ARHGAP22: variants seen among roughly 807,000 people sequenced by gnomAD.
The protein encoded by ARHGAP22 is Rho GTPase activating protein 22.
A neutral mutation model predicts 59.1 loss-of-function variants in ARHGAP22; 48 were observed. The observed-to-expected ratio is 0.81, with a 90% confidence interval of 0.64 to 1.03. The LOEUF (loss-of-function observed/expected upper bound fraction) is 1.03, where lower values mean the gene tolerates loss of function less well. Ranked by LOEUF, ARHGAP22 falls within the 50% of genes least tolerant of loss-of-function variation. The probability of loss-of-function intolerance (pLI) is 0.00; values close to 1 mark genes in which losing one functional copy is unlikely to be tolerated. For synonymous variants in ARHGAP22, 445 were observed against 416.4 expected (o/e 1.07, Z -0.84); for missense variants, 1,015 against 958.7 (o/e 1.06, Z -0.78).
chr10:48,448,566 T>C (rs989027525), intron 9 of ARHGAP22, among the ~76,000 whole-genome samples: 2 of 151,320 alleles, frequency 1.3e-5, no homozygotes, highest in African/African-American at 4.9e-5. Context: ...CTGACCAGAG[T>C]CCTGGGAGCC....
At chr10:48,437,069 G>A in the ARHGAP22 span, 2 of 152,232 alleles carry the variant, frequency 1.3e-5, no homozygotes, top group East Asian at 3.9e-4. Flanking sequence ...TACAGATTTT[G>A]GTTAAGTAAG....
chr10:48,469,407 C>T (rs539162012), intron 4 of ARHGAP22, among the ~76,000 whole-genome samples: 1 of 152,342 alleles, frequency 6.6e-6, no homozygotes, highest in Admixed American at 6.5e-5. Context: ...TCTGTCCAAT[C>T]ACACAAGCAA....
At chr10:48,637,378 T>C (rs976656452) in intron 1 of ARHGAP22, among the ~76,000 whole-genome samples, 8 of 151,230 alleles carry the variant, frequency 5.3e-5, no homozygotes, top group African/African-American at 2.0e-4. Flanking sequence ...GAGTGGCAGA[T>C]GAGTAGCCAA....
At position 48,470,976 on chromosome 10, in the gene ARHGAP22, A is replaced by G. The variant is rs2048175802; in HGVS notation, c.451+8660T>C. Among the ~76,000 whole-genome samples, 6 of 152,104 alleles carry G rather than the reference A, an allele frequency of 3.9e-5. No homozygotes were observed. The South Asian group carries it at 1.2e-3, about 32-fold the overall frequency. On this transcript the variant is annotated intron_variant, in intron 4 of 9. Coordinates refer to ENST00000249601, the MANE Select transcript of ARHGAP22 (RefSeq NM_021226.4). ...ATGCCTCCAGGGCTTCCTTTTAGAG[A>G]TGTCATTCCATCAAATGATGACCAC... is the stretch of plus-strand genomic sequence containing the variant.
At chr10:48,574,724 T>C (rs1014737065) in intron 2 of ARHGAP22, 3 of 152,266 alleles carry the variant, frequency 2.0e-5, no homozygotes, top group African/African-American at 4.8e-5. Context: ...CAGACATTAA[T>C]GGCACGGCAG....
intron 3 of ARHGAP22, among the ~76,000 whole-genome samples, chr10:48,551,773 G>T (rs2056912271): frequency 6.6e-6 from 1 of 152,236 alleles, no homozygotes; most frequent in African/African-American, 2.4e-5. Flanking sequence ...GGATGTGCAG[G>T]TTCTCAGGTG....
chr10:48,531,473 G>C (rs908321085), intron 3 of ARHGAP22, among the ~76,000 whole-genome samples: 1 of 152,146 alleles, frequency 6.6e-6, no homozygotes, highest in African/African-American at 2.4e-5. Flanking sequence ...TTAAACTTTG[G>C]AGTAGTCTGT....
the ARHGAP22 span, among the ~76,000 whole-genome samples, chr10:48,440,464 T>C: frequency 6.6e-6 from 1 of 152,006 alleles, no homozygotes; most frequent in Non-Finnish European, 1.5e-5. Flanking sequence ...GCCACAGGGA[T>C]TGATTAGAGG....
At chr10:48,502,519 C>A (rs1466378923) in intron 3 of ARHGAP22, among the ~76,000 whole-genome samples, 1 of 152,174 alleles carries the variant, frequency 6.6e-6, no homozygotes, top group African/African-American at 2.4e-5. Context: ...ACCTTTCCAG[C>A]CCCAGCCAGC....
At chr10:48,451,339 G>C (rs780295938) in intron 8 of ARHGAP22, 199 bp from the exon 9 acceptor site, 1 of 778,324 alleles carries the variant, frequency 1.3e-6, no homozygotes, top group Non-Finnish European at 2.2e-6. Flanking sequence ...GGATGGGGCC[G>C]CAGAACCGCC....
intron 3 of ARHGAP22, among the ~76,000 whole-genome samples, chr10:48,539,087 C>G (rs1297581810): frequency 6.6e-6 from 1 of 152,148 alleles, no homozygotes; most frequent in African/African-American, 2.4e-5. Flanking sequence ...TCACCATTGC[C>G]TTGACCAGCC....
At chr10:48,581,898 C>G (rs1213826717) in intron 2 of ARHGAP22, among the ~76,000 whole-genome samples, 1 of 152,214 alleles carries the variant, frequency 6.6e-6, no homozygotes, top group Non-Finnish European at 1.5e-5. Flanking sequence ...GCACTGAAAG[C>G]TCTAAGTAAG....
At chr10:48,434,162 AG>A in the ARHGAP22 span, among the ~76,000 whole-genome samples, 4 of 152,160 alleles carry the variant, frequency 2.6e-5, no homozygotes, top group Non-Finnish European at 5.9e-5. Flanking sequence ...CTTTCGGCAA[AG>A]GAAACTGTTT....
At chr10:48,502,586 G>A (rs908588334) in intron 3 of ARHGAP22, among the ~76,000 whole-genome samples, 1 of 152,170 alleles carries the variant, frequency 6.6e-6, no homozygotes, top group Non-Finnish European at 1.5e-5. Flanking sequence ...TTGCCAGGAA[G>A]CACCACATTC....
At chr10:48,596,958 G>C (rs976176529) in intron 1 of ARHGAP22, among the ~76,000 whole-genome samples, 1 of 152,174 alleles carries the variant, frequency 6.6e-6, no homozygotes, top group Non-Finnish European at 1.5e-5. Flanking sequence ...CTCCACCCCT[G>C]TATGTCTGCC....
chr10:48,438,503 T>C, the ARHGAP22 span: 1 of 152,258 alleles, frequency 6.6e-6, no homozygotes, highest in East Asian at 1.9e-4. Flanking sequence ...AGTAACACTT[T>C]CTGGCCATTT....
chr10:48,614,748 G>C (rs527663634), intron 1 of ARHGAP22, among the ~76,000 whole-genome samples: 1 of 152,180 alleles, frequency 6.6e-6, no homozygotes. Context: ...TCCCATTCCA[G>C]CTCTCCAATA....
In ARHGAP22 at chr10:48,467,289, A is replaced by C. The variant is rs116608526; in HGVS notation, c.452-7398T>G. Reference sequence around the variant, plus strand: ...TACATGATCTTTCTGCAAAGCCTGTATTCTTCTTGGGTTAGGTTTCTGAGA... The same window carrying C: ...TACATGATCTTTCTGCAAAGCCTGTCTTCTTCTTGGGTTAGGTTTCTGAGA... On this transcript the variant is annotated intron_variant, in intron 4 of 9. Coordinates refer to ENST00000249601, the MANE Select transcript of ARHGAP22 (RefSeq NM_021226.4). Among the ~76,000 whole-genome samples, 298 of 152,222 alleles carry C rather than the reference A, an allele frequency of 2.0e-3. 2 individuals carry two copies. The highest frequency in any genetic ancestry group is 6.8e-3 in the African/African-American group (284 of 41,502).
At chr10:48,545,911 C>T (rs17010618) in intron 3 of ARHGAP22, among the ~76,000 whole-genome samples, 3,183 of 152,236 alleles carry the variant, frequency 0.021, 109 homozygotes, top group East Asian at 0.11. Context: ...GCAGACACGT[C>T]GGAGGTCACT....
Sources: gnomAD v4.1 joint callset for allele counts (sites outside exome capture counted in the v4.1 genomes callset) on GRCh38, gnomAD v4.1.1 for gene constraint, MANE v1.5 for transcripts, NCBI Gene and HGNC (gene_info 2026-07-23, HGNC 2026-07-21) for gene names.